Variants in PRKD2 observed in about 807,000 individuals in gnomAD.
The protein encoded by PRKD2 is protein kinase D2.
Under a neutral mutation model 86.0 loss-of-function variants are expected in PRKD2, and 22 were observed. That is an observed-to-expected ratio of 0.26 (90% confidence interval 0.18 to 0.37). The LOEUF (loss-of-function observed/expected upper bound fraction) is 0.37. PRKD2 is among the 10% of genes least tolerant of loss of function. PRKD2 has a pLI of 1.00. For missense variants in PRKD2, 818 were observed against 1,199.2 expected, an observed-to-expected ratio of 0.68 and a Z score of 4.70; for synonymous variants, 509 against 510.9, an observed-to-expected ratio of 1.00 and a Z score of 0.05.
At chr19:46,703,954 C>G (rs2053670940) in intron 5 of PRKD2, among the ~76,000 whole-genome samples, 1 of 123,706 alleles carries the variant, frequency 8.1e-6, no homozygotes, top group Non-Finnish European at 1.6e-5. Context: ...CAAAAAACAA[C>G]AACAACACAC....
intron 15 of PRKD2, among the ~76,000 whole-genome samples, chr19:46,680,946 A>ATATATATATATAT: frequency 5.8e-4 from 28 of 48,228 alleles, no homozygotes; most frequent in African/African-American, 1.9e-3. Flanking sequence ...ATATATATAT[A>ATATATATATATAT]TTTTTTTTTT....
intron 5 of PRKD2, 81 bp downstream of exon 5, chr19:46,704,088 C>G: frequency 6.3e-7 from 1 of 1,577,826 alleles, no homozygotes; most frequent in Non-Finnish European, 8.6e-7. Flanking sequence ...AGGCTCAGAT[C>G]CTTGTGTCCT....
intron 5 of PRKD2, among the ~76,000 whole-genome samples, chr19:46,702,038 G>GT (rs869093299): frequency 0.18 from 23,667 of 131,504 alleles, 2,469 homozygotes; most frequent in Non-Finnish European, 0.25. Context: ...TCTGTTTTTT[G>GT]TTTTTTTTTT....
At chr19:46,702,027 TTC>T (rs2053642308) in intron 5 of PRKD2, among the ~76,000 whole-genome samples, 1 of 146,596 alleles carries the variant, frequency 6.8e-6, no homozygotes, top group African/African-American at 2.6e-5. Context: ...GGTTCTATGA[TTC>T]TGTTTTTTGT....
Position 46,704,203 on chromosome 19 carries a change from G to C in PRKD2, c.855C>G (p.Leu285=), listed in dbSNP as rs2053677182. 1 of 1,614,030 alleles carries C rather than the reference G, an allele frequency of 6.2e-7. No homozygotes were observed. The highest frequency in any genetic ancestry group is 1.3e-5 in the African/African-American group (1 of 74,918). Residue 285 remains leucine (L), a synonymous_variant, in exon 5 of 18, where the codon CTC becomes CTG. Coordinates refer to ENST00000291281, the MANE Select transcript of PRKD2 (RefSeq NM_016457.5). ...PTVCQACKKL[L]KGLFRQGLQC... is the part of the protein sequence containing the mutation. ...GCAGGCCCTGCCGGAAGAGGCCCTT[G>C]AGGAGTTTCTTGCAAGCCTGGCAAA...
At chr19:46,677,972 G>A (rs1436674026) in intron 16 of PRKD2, among the ~76,000 whole-genome samples, 1 of 152,060 alleles carries the variant, frequency 6.6e-6, no homozygotes, top group Non-Finnish European at 1.5e-5. Flanking sequence ...CCTCCTTTTT[G>A]CAAGGCTGAC....
intron 3 of PRKD2, among the ~76,000 whole-genome samples, chr19:46,707,912 C>T (rs1234860208): frequency 2.0e-5 from 3 of 152,094 alleles, no homozygotes; most frequent in East Asian, 1.9e-4. Flanking sequence ...GCCTGGCCAA[C>T]GTGGTGAAAC....
chr19:46,697,695 T>A, intron 8 of PRKD2, 38 bp downstream of exon 8: 1 of 1,571,352 alleles, frequency 6.4e-7, no homozygotes, highest in Non-Finnish European at 8.7e-7. Context: ...TCTTCCAGCC[T>A]TCGCTCCGCC....
In PRKD2 at chr19:46,704,524, C is replaced by T; in HGVS notation, c.637G>A (p.Glu213Lys). 1 of 1,614,124 alleles carries T rather than the reference C, an allele frequency of 6.2e-7. No individual in the cohort carries two copies. The highest frequency in any genetic ancestry group is 8.5e-7 in the Non-Finnish European group (1 of 1,180,016). ...SGHSVRLGTS[E>K]SLPCTAEELS... ...TCTTCAGCCGTGCAGGGCAGGGACT[C>T]GGAGGTGCCGAGGCGCACCGAGTGG... Residue 213 changes from glutamate to lysine, a missense_variant, in exon 4 of 18, where the codon GAG (glutamate) becomes AAG (lysine). Glu to Lys is a moderately conservative substitution (Grantham distance 56). Around this residue, in one of 5 missense-constraint regions of PRKD2, gnomAD observed 403 missense variants for 518.6 expected, o/e 0.78. Transcript: ENST00000291281.
At position 46,704,152 on chromosome 19, in the gene PRKD2, C is replaced by A; in HGVS notation, c.889+17G>T. The stretch of plus-strand genomic sequence containing the variant: ...AGGTTCTGACCCTGTCTGTCCTCCC[C>A]GACAGGCCCAGCTAACCTTTGCATT... On this transcript the variant is annotated intron_variant, in intron 5 of 17. Coordinates refer to ENST00000291281, the MANE Select transcript of PRKD2 (RefSeq NM_016457.5). The A allele has an allele frequency of 6.2e-7, 1 of 1,613,022 alleles. No homozygotes were observed. Among genetic ancestry groups the A allele is most frequent in the South Asian group, 1.1e-5 (1 of 90,842 alleles).
rs565777647 is a variant in PRKD2 at position 46,681,533 on chromosome 19, G to A, written c.2070+117C>T. ...TCAGCCTCTCAAAATGCTGATTACAGGCAAGAGCCACTGTGCCTCGCCCCC... is the reference window on the plus strand; with the variant it reads ...TCAGCCTCTCAAAATGCTGATTACAAGCAAGAGCCACTGTGCCTCGCCCCC... On this transcript the variant is annotated intron_variant, in intron 15 of 17. Transcript: ENST00000291281. 7.5e-5 allele frequency: 54 copies of A among 721,402 alleles called. No individual in the cohort carries two copies. In the South Asian group the frequency reaches 9.4e-4, roughly 13 times the overall value. 44.7% of individuals were successfully genotyped at this position (721,402 alleles called of 1,614,324 possible).
intron 3 of PRKD2, among the ~76,000 whole-genome samples, chr19:46,710,096 A>G (rs977214226): frequency 6.6e-6 from 1 of 151,346 alleles, no homozygotes; most frequent in African/African-American, 2.4e-5. Context: ...ACGGGGTTTC[A>G]CCATGTTAGC....
Position 46,693,853 on chromosome 19 carries a change from G to A in PRKD2, c.1576+22C>T, listed in dbSNP as rs755660454. 6.4e-7 allele frequency: 1 copy of A among 1,574,164 alleles called. No individual in the cohort carries two copies. Among genetic ancestry groups the A allele is most frequent in the South Asian group, 1.1e-5 (1 of 87,530 alleles). Reference sequence around the variant, plus strand: ...ACCCATCTAGATCTATTCTCTCAAGGACCCGAGGTGGGAGGACTTACTGTG... The same window carrying A: ...ACCCATCTAGATCTATTCTCTCAAGAACCCGAGGTGGGAGGACTTACTGTG... On this transcript the variant is annotated intron_variant, in intron 10 of 17. Coordinates refer to ENST00000291281, the MANE Select transcript of PRKD2 (RefSeq NM_016457.5). The surrounding 1 kb of genome is among the most constrained non-coding windows in gnomAD (Gnocchi z 4.5).
intron 7 of PRKD2, among the ~76,000 whole-genome samples, chr19:46,698,847 C>T (rs184493455): frequency 2.2e-4 from 34 of 152,298 alleles, no homozygotes; most frequent in African/African-American, 8.2e-4. Flanking sequence ...TTGATCACAT[C>T]TCTTTGCCTG....
At chr19:46,704,937 C>T (rs1432232130) in intron 3 of PRKD2, among the ~76,000 whole-genome samples, 1 of 150,124 alleles carries the variant, frequency 6.7e-6, no homozygotes, top group African/African-American at 2.5e-5. Flanking sequence ...ACAAGGGACA[C>T]CTCAAAGGCT....
At chr19:46,697,445 CCA>C in intron 8 of PRKD2, 2 of 593,262 alleles carry the variant, frequency 3.4e-6, no homozygotes, top group Non-Finnish European at 6.0e-6. Context: ...CGCCCTAACC[CCA>C]GACTCGCCCC....
chr19:46,698,863 C>T (rs1215101984), intron 7 of PRKD2, among the ~76,000 whole-genome samples: 1 of 152,156 alleles, frequency 6.6e-6, no homozygotes, highest in East Asian at 1.9e-4. Context: ...GCCTGAGACT[C>T]AGTTTCCCCA....
chr19:46,674,956 C>T, intron 17 of PRKD2, 77 bp downstream of exon 17: 1 of 1,401,688 alleles, frequency 7.1e-7, no homozygotes, highest in South Asian at 1.3e-5. Flanking sequence ...CCTTCACAAC[C>T]TGCCTAGCCA....
At chr19:46,705,018 A>G (rs1348701930) in intron 3 of PRKD2, among the ~76,000 whole-genome samples, 1 of 150,612 alleles carries the variant, frequency 6.6e-6, no homozygotes, top group Non-Finnish European at 1.5e-5. Context: ...CAGACCCTGA[A>G]CACGCCTCAC....
Sources: gnomAD v4.1 joint callset for allele counts (sites outside exome capture counted in the v4.1 genomes callset) on GRCh38, gnomAD v4.1.1 for gene constraint, gnomAD v4.1.1 regional missense constraint, Gnocchi (gnomAD v3.1) non-coding constraint, MANE v1.5 for transcripts, NCBI Gene and HGNC (gene_info 2026-07-23, HGNC 2026-07-21) for gene names.